Variants in CELSR3 observed in about 807,000 individuals in gnomAD.
CELSR3 encodes cadherin EGF LAG seven-pass G-type receptor 3, also known as EGF-like protein 1.
In CELSR3, 73 loss-of-function variants were observed where a neutral mutation model predicts 270.0. The ratio of observed to expected loss-of-function variants is 0.27; its 90% CI spans 0.22 to 0.33. CELSR3 has a LOEUF of 0.33. CELSR3 is among the 10% of genes least tolerant of loss of function. CELSR3 has a pLI of 1.00. For synonymous variants in CELSR3, 1,780 were observed against 1,905.4 expected (o/e 0.93, Z 1.71); for missense variants, 3,614 against 4,533.8 (o/e 0.80, Z 5.83).
rs2047018196 is a variant in CELSR3, at chr3:48,640,719, G to C, written c.9026-160C>G. ...AGCAGAGGCAACCCTGGTGGTCCCAGAGAGGCAGCAGGACAGGGGTCAGAG... is the reference window on the plus strand; with the variant it reads ...AGCAGAGGCAACCCTGGTGGTCCCACAGAGGCAGCAGGACAGGGGTCAGAG... On this transcript the variant is annotated intron_variant, in intron 33 of 34. Transcript: ENST00000164024. The surrounding 1 kb of genome is among the most constrained non-coding windows in gnomAD (Gnocchi z 7.5). 8.0e-6 allele frequency: 6 copies of C among 751,880 alleles called. No homozygotes were observed. The highest frequency in any genetic ancestry group is 1.3e-5 in the Non-Finnish European group (6 of 479,894). The allele number at this position is 751,880 out of a possible 1,614,324, so 46.6% of individuals were successfully genotyped here. A position where few individuals can be genotyped will look rare whatever the true frequency, so the allele number is the denominator to read the frequency against.
At chr3:48,649,081 G>A in intron 17 of CELSR3, 40 bp downstream of exon 17, 1 of 1,585,434 alleles carries the variant, frequency 6.3e-7, no homozygotes, top group Non-Finnish European at 8.6e-7. Flanking sequence ...ACAGGCCAAG[G>A]AAGGTCTTAG....
intron 18 of CELSR3, 50 bp from the exon 19 acceptor site, chr3:48,648,511 G>A: frequency 6.8e-7 from 1 of 1,479,028 alleles, no homozygotes; most frequent in Middle Eastern, 1.8e-4. Context: ...GAGGATGTAT[G>A]AGGGGATAGG....
Position 48,656,152 on chromosome 3 carries a change from G to T in CELSR3, c.4613C>A (p.Thr1538Lys). Residue 1538 changes from threonine to lysine, a missense_variant, in exon 3 of 35, where the codon ACG (threonine) becomes AAG (lysine). Coordinates refer to ENST00000164024, the MANE Select transcript of CELSR3 (RefSeq NM_001407.3). ...FRGLRQRFHL[T>K]LSLSFATVQQ... Reference sequence around the variant, plus strand: ...GGCGGGCACCTACGAGAGGGACAGCGTAAGGTGGAATCGCTGCCGCAGGCC... The same window carrying T: ...GGCGGGCACCTACGAGAGGGACAGCTTAAGGTGGAATCGCTGCCGCAGGCC... The T allele has an allele frequency of 6.5e-7, 1 of 1,536,384 alleles. No individual in the cohort carries two copies. Among genetic ancestry groups the T allele is most frequent in the Non-Finnish European group, 8.7e-7 (1 of 1,147,280 alleles).
rs138606642 is a variant in CELSR3, at chr3:48,641,380, G to C, written c.8969C>G (p.Pro2990Arg). The change falls in exon 33 of 35, where the codon CCG becomes CGG. Residue 2990 changes from proline to arginine, a missense_variant. Around this residue, in one of 7 missense-constraint regions of CELSR3, gnomAD observed 1,240 missense variants for 1,351.7 expected, o/e 0.92. Transcript: ENST00000164024. The surrounding 1 kb of genome is among the most constrained non-coding windows in gnomAD (Gnocchi z 4.8). The stretch of plus-strand genomic sequence containing the variant: ...AGTCTCATCCCCACTGGTCAGGGCC[G>C]GGTCTGGCTGGTTGTTGTTAGCTGC... The part of the protein sequence containing the change: ...KDAANNNQPD[P>R]ALTSGDETSL... 2.6e-4 allele frequency: 413 copies of C among 1,612,548 alleles called. 2 individuals carry two copies. The East Asian group carries it at 7.6e-3, about 30-fold the overall frequency.
At position 48,649,137 on chromosome 3, in the gene CELSR3, C is replaced by G. The variant is rs1258053730; in HGVS notation, c.6551G>C (p.Arg2184Pro). ...CAGTCTCACCAGCAGACTGAGCTCT[C>G]GAAAGGCAGGGGAGGTACAGTTGAA... ...DLFNCTSPAF[R>P]ELSLLLDGLE... is the part of the protein sequence containing the mutation. Residue 2184 changes from arginine (R) to proline (P), a missense_variant, in exon 17 of 35, where the codon CGA (arginine) becomes CCA (proline). Physicochemically the swap from Arg to Pro is moderately radical, Grantham distance 103. Around this residue, in one of 7 missense-constraint regions of CELSR3, gnomAD observed 1,331 missense variants for 1,933.7 expected, o/e 0.69. Coordinates refer to ENST00000164024, the MANE Select transcript of CELSR3 (RefSeq NM_001407.3). 3.1e-6 allele frequency: 5 copies of G among 1,612,034 alleles called. No individual in the cohort carries two copies. The highest frequency in any genetic ancestry group is 4.2e-6 in the Non-Finnish European group (5 of 1,179,380).
Position 48,642,826 on chromosome 3 carries a change from G to A in CELSR3, c.8465C>T (p.Thr2822Ile). The A allele has an allele frequency of 1.2e-6, 2 of 1,613,238 alleles. No homozygotes were observed. Among genetic ancestry groups the A allele is most frequent in the Admixed American group, 1.7e-5 (1 of 60,012 alleles). The change falls in exon 30 of 35, where the codon ACT becomes ATT. Residue 2822 changes from threonine (T) to isoleucine (I), a missense_variant. Thr to Ile is a moderately conservative substitution (Grantham distance 89). Transcript: ENST00000164024. This position sits in a 1 kb window ranked among gnomAD's most constrained non-coding sequence, Gnocchi z 6.1. ...AGAGGAGACGGTGGAGGCGCCCAGA[G>A]TGATGCGGATGAGGCCACTCTCCTC... is the stretch of plus-strand genomic sequence containing the variant. ...LFEESGLIRI[T>I]LGASTVSSVS... is the part of the protein sequence containing the mutation.
chr3:48,641,576 A>C lies in CELSR3; in HGVS notation c.8825-52T>G. The C allele has an allele frequency of 7.3e-7, 1 of 1,365,732 alleles. No homozygotes were observed. Among genetic ancestry groups the C allele is most frequent in the Non-Finnish European group, 1.0e-6 (1 of 962,766 alleles). 84.6% of individuals were successfully genotyped at this position (1,365,732 alleles called of 1,614,324 possible). A position where few individuals can be genotyped will look rare whatever the true frequency, so the allele number is the denominator to read the frequency against. The stretch of plus-strand genomic sequence containing the variant: ...GCTTCTGGGTTGATCCCAGTGACTC[A>C]TGACCCCTGACCCTAATGACCCTTG... On this transcript the variant is annotated intron_variant, in intron 32 of 34. Coordinates refer to ENST00000164024, the MANE Select transcript of CELSR3 (RefSeq NM_001407.3). This position sits in a 1 kb window ranked among gnomAD's most constrained non-coding sequence, Gnocchi z 4.8.
In CELSR3 at chr3:48,645,634, G is replaced by C. The variant is rs1232341434; in HGVS notation, c.7606C>G (p.Leu2536Val). The C allele has an allele frequency of 6.2e-7, 1 of 1,609,696 alleles. No individual in the cohort carries two copies. The highest frequency in any genetic ancestry group is 1.7e-5 in the Admixed American group (1 of 59,968). Reference protein sequence around the residue: ...ASPRERLEGDLELLAVFTHVV... With the variant: ...ASPRERLEGDVELLAVFTHVV... ...TGGGTGAACACAGCCAGCAGCTCCA[G>C]GTCGCCCTCCAGCCTCTACAGAGAC... The change falls in exon 24 of 35, where the codon CTG (leucine) becomes GTG (valine). Residue 2536 changes from leucine (L) to valine (V), a missense_variant. Physicochemically the swap from Leu to Val is conservative, Grantham distance 32. Transcript: ENST00000164024. This position sits in a 1 kb window ranked among gnomAD's most constrained non-coding sequence, Gnocchi z 5.4.
Position 48,650,244 on chromosome 3 carries a change from C to T in CELSR3, c.6472+236G>A. ...CAAAAGCTCTGGTAGTGGGAGGGGG[C>T]AGTGCACCTGAGCAAACACGTACCC... On this transcript the variant is annotated intron_variant, in intron 16 of 34. Coordinates refer to ENST00000164024, the MANE Select transcript of CELSR3 (RefSeq NM_001407.3). The surrounding 1 kb of genome is among the most constrained non-coding windows in gnomAD (Gnocchi z 5.1). 1 of 635,990 alleles carries T rather than the reference C, an allele frequency of 1.6e-6. No individual in the cohort carries two copies. The highest frequency in any genetic ancestry group is 1.5e-5 in the South Asian group (1 of 66,178). The allele number at this position is 635,990 out of a possible 1,614,324, so 39.4% of individuals were successfully genotyped here.
rs758776366 is a variant in CELSR3, at chr3:48,642,008, G to A, written c.8667C>T (p.Gly2889=). Residue 2889 remains glycine (G), a splice_region_variant and synonymous_variant, in exon 32 of 35, where the codon GGC becomes GGT. Transcript: ENST00000164024. This position sits in a 1 kb window ranked among gnomAD's most constrained non-coding sequence, Gnocchi z 6.1. ...GGTCACTGTCAGAGTCGGAGTCTGC[G>A]CCTGGAGTTGGGAAAGTCAGAAGTA... ...LDVAMFHRDA[G]ADSDSDSDLS... 7.2e-6 allele frequency: 11 copies of A among 1,527,628 alleles called. No homozygotes were observed. Among genetic ancestry groups the A allele is most frequent in the South Asian group, 5.1e-5 (4 of 78,158 alleles). 94.6% of individuals were successfully genotyped at this position (1,527,628 alleles called of 1,614,324 possible).
intron 34 of CELSR3, 141 bp from the exon 35 acceptor site, chr3:48,638,373 GCCCA>G (rs1356887532): frequency 4.4e-6 from 3 of 681,660 alleles, no homozygotes; most frequent in Non-Finnish European, 8.1e-6. Flanking sequence ...GCCCCTTCAT[GCCCA>G]CTCCAGGGTT....
rs540742010 is a variant in CELSR3, at chr3:48,662,234, T to C, written c.401A>G (p.Tyr134Cys). The C allele has an allele frequency of 1.2e-6, 2 of 1,613,078 alleles. No homozygotes were observed. The highest frequency in any genetic ancestry group is 1.1e-5 in the South Asian group (1 of 91,086). ...ETGQGPGSVL[Y>C]WRPEVSSCGR... ...GCAAGAGGAGACCTCTGGGCGCCAG[T>C]ATAACACAGACCCTGGTCCCTGTCC... Residue 134 changes from tyrosine (Y) to cysteine (C), a missense_variant, in exon 1 of 35, where the codon TAC becomes TGC. By Grantham distance (194) the Tyr-to-Cys change is radical (BLOSUM62 -2). Around this residue, in one of 7 missense-constraint regions of CELSR3, gnomAD observed 470 missense variants for 469.7 expected, o/e 1.00. Coordinates refer to ENST00000164024, the MANE Select transcript of CELSR3 (RefSeq NM_001407.3). The surrounding 1 kb of genome is among the most constrained non-coding windows in gnomAD (Gnocchi z 7.1).
At position 48,646,276 on chromosome 3, in the gene CELSR3, G is replaced by C. The variant is rs1215352595; in HGVS notation, c.7296-19C>G. The C allele has an allele frequency of 1.2e-6, 2 of 1,601,776 alleles. No homozygotes were observed. The highest frequency in any genetic ancestry group is 1.7e-6 in the Non-Finnish European group (2 of 1,172,652). On this transcript the variant is annotated intron_variant, in intron 21 of 34. Coordinates refer to ENST00000164024, the MANE Select transcript of CELSR3 (RefSeq NM_001407.3). The surrounding 1 kb of genome is among the most constrained non-coding windows in gnomAD (Gnocchi z 4.8). Reference sequence around the variant, plus strand: ...AGGAAGCCTGGGGAGACACCCATCTGGGCTTACGCACTGCTGACCTCCCCA... The same window carrying C: ...AGGAAGCCTGGGGAGACACCCATCTCGGCTTACGCACTGCTGACCTCCCCA...
In CELSR3 at chr3:48,652,159, C is replaced by A; in HGVS notation, c.5752-111G>T. 5 of 1,157,654 alleles carry A rather than the reference C, an allele frequency of 4.3e-6. No homozygotes were observed. The highest frequency in any genetic ancestry group is 5.9e-6 in the Non-Finnish European group (5 of 848,450). 71.7% of individuals were successfully genotyped at this position (1,157,654 alleles called of 1,614,324 possible). ...ATCCTTGACATGCAGTCTTCTGATA[C>A]CCTCAAAAAACCCAGGCCTCAAAAA... On this transcript the variant is annotated intron_variant, in intron 11 of 34. Transcript: ENST00000164024. This position sits in a 1 kb window ranked among gnomAD's most constrained non-coding sequence, Gnocchi z 4.3.
intron 2 of CELSR3, among the ~76,000 whole-genome samples, 161 bp from the exon 3 acceptor site, chr3:48,656,526 TCATCGCTG>T (rs1300668925): frequency 2.6e-5 from 4 of 152,158 alleles, no homozygotes; most frequent in Non-Finnish European, 5.9e-5. Context: ...CTCCCCAGTC[TCATCGCTG>T]CCTCGGCGGC....
chr3:48,648,196 T>C (rs1350825370), intron 19 of CELSR3, 70 bp downstream of exon 19: 2 of 1,536,784 alleles, frequency 1.3e-6, no homozygotes, highest in Admixed American at 3.5e-5. Context: ...CCACAGCCCC[T>C]CAGACCTTCA....
Position 48,652,148 on chromosome 3 carries a change from G to T in CELSR3, c.5752-100C>A. The T allele has an allele frequency of 8.2e-7, 1 of 1,216,286 alleles. No individual in the cohort carries two copies. Among genetic ancestry groups the T allele is most frequent in the Non-Finnish European group, 1.1e-6 (1 of 899,776 alleles). The allele number at this position is 1,216,286 out of a possible 1,614,324, so 75.3% of individuals were successfully genotyped here. On this transcript the variant is annotated intron_variant, in intron 11 of 34. Transcript: ENST00000164024. This position sits in a 1 kb window ranked among gnomAD's most constrained non-coding sequence, Gnocchi z 4.3. Reference sequence around the variant, plus strand: ...CCGGTCTGATGATCCTTGACATGCAGTCTTCTGATACCCTCAAAAAACCCA... The same window carrying T: ...CCGGTCTGATGATCCTTGACATGCATTCTTCTGATACCCTCAAAAAACCCA...
In CELSR3 at chr3:48,655,881, T is replaced by C. The variant is rs1172111735; in HGVS notation, c.4626-30A>G. 2.1e-6 allele frequency: 1 copy of C among 484,692 alleles called. No individual in the cohort carries two copies. The highest frequency in any genetic ancestry group is 6.3e-5 in the East Asian group (1 of 15,884). 30.0% of individuals were successfully genotyped at this position (484,692 alleles called of 1,614,324 possible). On this transcript the variant is annotated intron_variant, in intron 3 of 34. Transcript: ENST00000164024. The surrounding 1 kb of genome is among the most constrained non-coding windows in gnomAD (Gnocchi z 5.8). Reference sequence around the variant, plus strand: ...GCGGGGTGGGAGGGGGTTGCGGGGGTGGGAGCGTCAGGAGCAGGGTACCAC... The same window carrying C: ...GCGGGGTGGGAGGGGGTTGCGGGGGCGGGAGCGTCAGGAGCAGGGTACCAC...
At chr3:48,649,356 T>C in intron 16 of CELSR3, 141 bp from the exon 17 acceptor site, 1 of 722,070 alleles carries the variant, frequency 1.4e-6, no homozygotes, top group Non-Finnish European at 2.3e-6. Flanking sequence ...CCCCTGGAGG[T>C]AGCGGCCCAA....
Sources: allele counts gnomAD v4.1 joint callset (sites outside exome capture counted in the v4.1 genomes callset), GRCh38; gene constraint gnomAD v4.1.1; regional missense constraint gnomAD v4.1.1; non-coding constraint Gnocchi (gnomAD v3.1); transcripts MANE v1.5; gene names NCBI Gene and HGNC (gene_info 2026-07-23, HGNC 2026-07-21).